Variants in WWC2 observed in about 807,000 individuals in gnomAD.
WWC2 encodes the protein protein WWC2.
A neutral mutation model predicts 138.5 loss-of-function variants in WWC2; 101 were observed. The ratio of observed to expected loss-of-function variants is 0.73; its 90% confidence interval spans 0.62 to 0.86. The LOEUF (loss-of-function observed/expected upper bound fraction) is 0.86. Ranked by LOEUF, WWC2 falls within the 40% of genes least tolerant of loss-of-function variation. The pLI is 0.00. For missense variants in WWC2, 1,420 were observed against 1,419.4 expected, an observed-to-expected ratio of 1.00 and a Z score of -0.01; for synonymous variants, 558 against 538.4, an observed-to-expected ratio of 1.04 and a Z score of -0.50.
chr4:183,155,221 A>AGAGAGAGAGAGAGAGAGAGAGAGT (rs61543148), intron 1 of WWC2, among the ~76,000 whole-genome samples: 3 of 135,184 alleles, frequency 2.2e-5, no homozygotes, highest in African/African-American at 8.3e-5. Flanking sequence ...AGAGAGAGAG[A>AGAGAGAGAGAGAGAGAGAGAGAGT]GAGTTAGTTG....
At position 183,320,087 on chromosome 4, in the gene WWC2, T is replaced by G; in HGVS notation, c.*4358T>G. On this transcript the variant is annotated 3_prime_UTR_variant, in exon 23 of 23. Coordinates refer to ENST00000403733, the MANE Select transcript of WWC2 (RefSeq NM_024949.6). ...TTTGCCAGAGTCCCATGGTCCAGTT[T>G]TCCATTTCATTTAAGTCCAGGTTGA... 6.2e-7 allele frequency: 1 copy of G among 1,614,162 alleles called. No individual in the cohort carries two copies. The highest frequency in any genetic ancestry group is 8.5e-7 in the Non-Finnish European group (1 of 1,180,042).
rs1736880552 is a variant in WWC2, at chr4:183,248,792, G to T, written c.811G>T (p.Val271Leu). The T allele has an allele frequency of 6.2e-7, 1 of 1,604,334 alleles. No homozygotes were observed. The change falls in exon 7 of 23, where the codon GTG becomes TTG. Residue 271 changes from valine to leucine, a missense_variant. Val to Leu is a conservative substitution (Grantham distance 32). Transcript: ENST00000403733. ...TGAGCCAGATTTGAGATGTAGTCCT[G>T]TGAACTCTCATTTATGTCTCTCCAG... The part of the protein sequence containing the change: ...RSEPDLRCSP[V>L]NSHLCLSRQT...
intron 2 of WWC2, among the ~76,000 whole-genome samples, chr4:183,194,867 G>A (rs1207433774): frequency 6.6e-6 from 1 of 152,152 alleles, no homozygotes. Flanking sequence ...TACATTATTA[G>A]TTCAACACAA....
At chr4:183,193,989 G>C (rs1042162523) in intron 2 of WWC2, among the ~76,000 whole-genome samples, 3 of 152,162 alleles carry the variant, frequency 2.0e-5, no homozygotes, top group Non-Finnish European at 2.9e-5. Context: ...CTGGGAACCT[G>C]TGGGGATCAG....
chr4:183,162,705 T>G (rs1239160520), intron 1 of WWC2, among the ~76,000 whole-genome samples: 1 of 152,130 alleles, frequency 6.6e-6, no homozygotes, highest in Non-Finnish European at 1.5e-5. Flanking sequence ...TTATAGTAGT[T>G]TCTTCAGCCA....
chr4:183,269,706 C>G, intron 15 of WWC2: 1 of 353,734 alleles, frequency 2.8e-6, no homozygotes, highest in Non-Finnish European at 5.6e-6. Context: ...TAAAATTAAG[C>G]AAGACCACTG....
At chr4:183,146,554 A>G (rs553216101) in intron 1 of WWC2, among the ~76,000 whole-genome samples, 2 of 152,276 alleles carry the variant, frequency 1.3e-5, no homozygotes, top group South Asian at 2.1e-4. Context: ...TTGCAGCTTG[A>G]TGTTTGGAAC....
At chr4:183,103,121 A>ACTGAT (rs1291437884) in intron 1 of WWC2, among the ~76,000 whole-genome samples, 3 of 151,666 alleles carry the variant, frequency 2.0e-5, no homozygotes, top group Admixed American at 2.0e-4. Context: ...ATTAAAACCC[A>ACTGAT]CTGATAGACA....
At chr4:183,178,681 T>A (rs1469703920) in intron 1 of WWC2, among the ~76,000 whole-genome samples, 1 of 152,070 alleles carries the variant, frequency 6.6e-6, no homozygotes, top group Admixed American at 6.6e-5. Context: ...AACTCTCCAC[T>A]GACAGCAGCT....
At chr4:183,222,139 A>T (rs1735951536) in intron 4 of WWC2, among the ~76,000 whole-genome samples, 2 of 152,170 alleles carry the variant, frequency 1.3e-5, no homozygotes, top group South Asian at 4.1e-4. Context: ...CCAGGTAGAG[A>T]TAGACTATAA....
chr4:183,252,454 G>A (rs1014804537), intron 8 of WWC2, among the ~76,000 whole-genome samples: 3 of 152,212 alleles, frequency 2.0e-5, no homozygotes, highest in Admixed American at 1.3e-4. Flanking sequence ...TAGGACATTC[G>A]TACTGAGTCG....
rs1737127089 is a variant in WWC2, at chr4:183,256,055, C to G, written c.1196+2056C>G. Among the ~76,000 whole-genome samples the G allele has an allele frequency of 1.3e-5, 2 of 152,048 alleles. 1 individual carries two copies. The highest frequency in any genetic ancestry group is 4.2e-4 in the South Asian group (2 of 4,806). On this transcript the variant is annotated intron_variant, in intron 9 of 22. Transcript: ENST00000403733. ...GGATATGATACCTCCATGGCCCTGT[C>G]TCCCATGATTGGATGTTAGCAGGAA...
chr4:183,204,072 A>G (rs568679346), intron 2 of WWC2, among the ~76,000 whole-genome samples: 2 of 152,336 alleles, frequency 1.3e-5, no homozygotes, highest in African/African-American at 4.8e-5. Context: ...AAATGAGGAA[A>G]GAAAGAAAGT....
At chr4:183,243,832 T>C (rs999045472) in intron 5 of WWC2, among the ~76,000 whole-genome samples, 1 of 151,348 alleles carries the variant, frequency 6.6e-6, no homozygotes, top group Non-Finnish European at 1.5e-5. Context: ...TACTTTATTA[T>C]CAGATGATCT....
At chr4:183,212,054 C>G (rs528291752) in intron 4 of WWC2, among the ~76,000 whole-genome samples, 1 of 152,246 alleles carries the variant, frequency 6.6e-6, no homozygotes, top group East Asian at 1.9e-4. Context: ...AACACCTGAC[C>G]TCATAATCTG....
At chr4:183,154,685 A>T (rs1733744086) in intron 1 of WWC2, among the ~76,000 whole-genome samples, 1 of 151,962 alleles carries the variant, frequency 6.6e-6, no homozygotes, top group South Asian at 2.1e-4. Flanking sequence ...GATGAAGCTC[A>T]CTCTTCTGTC....
rs1561412938 is a variant in WWC2, at chr4:183,099,444, C to T, written c.-48C>T. 1 of 1,209,600 alleles carries T rather than the reference C, an allele frequency of 8.3e-7. No individual in the cohort carries two copies. The highest frequency in any genetic ancestry group is 1.0e-6 in the Non-Finnish European group (1 of 966,830). 74.9% of individuals were successfully genotyped at this position (1,209,600 alleles called of 1,614,324 possible). A position where few individuals can be genotyped will look rare whatever the true frequency, so the allele number is the denominator to read the frequency against. ...CGGCAGCCGCGTTCCCGCCGCGTCCCGCGCCCGGTACCTATGGAGGCGCCG... is the reference window on the plus strand; with the variant it reads ...CGGCAGCCGCGTTCCCGCCGCGTCCTGCGCCCGGTACCTATGGAGGCGCCG... On this transcript the variant is annotated 5_prime_UTR_variant, in exon 1 of 23. Transcript: ENST00000403733.
intron 8 of WWC2, among the ~76,000 whole-genome samples, chr4:183,250,927 G>T (rs2111336317): frequency 6.6e-6 from 1 of 152,228 alleles, no homozygotes; most frequent in Non-Finnish European, 1.5e-5. Context: ...GTCCTTAGAG[G>T]TTATCAGGCT....
intron 1 of WWC2, among the ~76,000 whole-genome samples, chr4:183,110,334 A>G (rs1459506476): frequency 6.6e-6 from 1 of 152,180 alleles, no homozygotes; most frequent in Non-Finnish European, 1.5e-5. Context: ...AATATTTATA[A>G]AATTACTAGG....
Sources: gnomAD v4.1 joint callset for allele counts (sites outside exome capture counted in the v4.1 genomes callset) on GRCh38, gnomAD v4.1.1 for gene constraint, MANE v1.5 for transcripts, NCBI Gene and HGNC (gene_info 2026-07-23, HGNC 2026-07-21) for gene names.